Variants in RPL22L1 observed in about 807,000 individuals in gnomAD.
RPL22L1 encodes ribosomal protein eL22-like.
RPL22L1 carries 19 observed loss-of-function variants against 17.3 expected under a neutral mutation model. The observed-to-expected ratio is 1.10, with a 90% CI of 0.77 to 1.61. The LOEUF (loss-of-function observed/expected upper bound fraction) is 1.61. Among genes scored for constraint, RPL22L1 ranks in the 40% most tolerant of loss-of-function variants. The probability of loss-of-function intolerance (pLI) is 0.00; values close to 1 mark genes in which losing one functional copy is unlikely to be tolerated. For synonymous variants in RPL22L1, 48 were observed against 48.5 expected, an observed-to-expected ratio of 0.99 and a Z score of 0.05; for missense variants, 139 against 144.4, an observed-to-expected ratio of 0.96 and a Z score of 0.19.
Position 170,865,034 on chromosome 3 carries a change from CACAGTAGTAGGT to C in RPL22L1, c.*1334_*1345del, listed in dbSNP as rs768450014. ...ACATCCTCAATGCTCTGCAGCGGTGCACAGTAGTAGGTACCTGGTTAACTATTTGTGAAAAAC... is the reference window on the plus strand; with the variant it reads ...ACATCCTCAATGCTCTGCAGCGGTGCACCTGGTTAACTATTTGTGAAAAAC... On this transcript the variant is annotated 3_prime_UTR_variant, in exon 4 of 4. Coordinates refer to ENST00000295830, the MANE Select transcript of RPL22L1 (RefSeq NM_001099645.2). The C allele has an allele frequency of 6.6e-6, 1 of 152,178 alleles. No homozygotes were observed. Among genetic ancestry groups the C allele is most frequent in the Non-Finnish European group, 1.5e-5 (1 of 68,042 alleles). 9.4% of individuals were successfully genotyped at this position (152,178 alleles called of 1,614,324 possible).
In RPL22L1 at chr3:170,868,140, T is replaced by A; in HGVS notation, c.103-6A>T. ...TTCTCCCGTAGAAATTGCTCCTATT[T>A]TAAAACAGAAAAAATGCAAAACTAG... is the stretch of plus-strand genomic sequence containing the variant. On this transcript the variant is annotated splice_polypyrimidine_tract_variant and splice_region_variant and intron_variant, in intron 2 of 3. Transcript: ENST00000295830. 6.2e-7 allele frequency: 1 copy of A among 1,603,844 alleles called. No individual in the cohort carries two copies. The highest frequency in any genetic ancestry group is 8.5e-7 in the Non-Finnish European group (1 of 1,174,172).
chr3:170,869,253 T>A (rs568518378), intron 1 of RPL22L1, among the ~76,000 whole-genome samples: 181 of 152,334 alleles, frequency 1.2e-3, no homozygotes, highest in Middle Eastern at 3.4e-3. Flanking sequence ...CACTGCAATA[T>A]GAACAAACAA....
chr3:170,868,813 A>G (rs1257834628), intron 1 of RPL22L1, among the ~76,000 whole-genome samples: 3 of 150,464 alleles, frequency 2.0e-5, no homozygotes, highest in African/African-American at 7.3e-5. Flanking sequence ...TAAAAAAAAA[A>G]AAAAAGAAAA....
chr3:170,869,525 G>A (rs924146053), intron 1 of RPL22L1, among the ~76,000 whole-genome samples: 6 of 152,122 alleles, frequency 3.9e-5, no homozygotes, highest in African/African-American at 1.4e-4. Flanking sequence ...TGTAAATTGC[G>A]CATGTATATC....
At chr3:170,866,571 T>C in intron 3 of RPL22L1, 47 bp from the exon 4 acceptor site, 1 of 1,395,534 alleles carries the variant, frequency 7.2e-7, no homozygotes. Flanking sequence ...CAATTCCTAC[T>C]ATGTAAAGGT....
chr3:170,868,347 A>C lies in RPL22L1; in HGVS notation c.53T>G (p.Leu18Trp). 1 of 1,611,334 alleles carries C rather than the reference A, an allele frequency of 6.2e-7. No individual in the cohort carries two copies. Among genetic ancestry groups the C allele is most frequent in the Non-Finnish European group, 8.5e-7 (1 of 1,178,998 alleles). ...ATCTTCTACTGGATGAGTAAGGTCC[A>C]AATTAAACCTCCAGGTTGACCTCTT... ...KPKRSTWRFN[L>W]DLTHPVEDGI... The change falls in exon 2 of 4, where the codon TTG (leucine) becomes TGG (tryptophan). Residue 18 changes from leucine to tryptophan, a missense_variant. Leu to Trp is a moderately conservative substitution (Grantham distance 61). Transcript: ENST00000295830.
chr3:170,869,220 T>G (rs1303764325), intron 1 of RPL22L1, among the ~76,000 whole-genome samples: 1 of 152,208 alleles, frequency 6.6e-6, no homozygotes, highest in East Asian at 1.9e-4. Flanking sequence ...AAAATGTTAC[T>G]GTGGCCAGCA....
chr3:170,869,912 C>T (rs1711928568), intron 1 of RPL22L1: 2 of 663,620 alleles, frequency 3.0e-6, no homozygotes, highest in African/African-American at 3.6e-5. Flanking sequence ...TCCCGCGTGT[C>T]CAAAACCACC....
chr3:170,866,493 T>A lies in RPL22L1; in HGVS notation c.256A>T (p.Lys86Ter), dbSNP rs1711769019. ...AGCCAATCACGAAGATTGTTCTTCT[T>A]AAGGTATTTCTTGGTAAGGTATTTC... ...YLKYLTKKYL[K>*]KNNLRDWLRV... The change falls in exon 4 of 4, where the codon AAG becomes TAG. Residue 86 changes from lysine (K) to a stop codon, truncating the protein, a stop_gained. Transcript: ENST00000295830. LOFTEE classifies it high-confidence loss of function. 6.4e-7 allele frequency: 1 copy of A among 1,565,884 alleles called. No individual in the cohort carries two copies. The highest frequency in any genetic ancestry group is 1.9e-5 in the Admixed American group (1 of 52,864).
At position 170,868,063 on chromosome 3, in the gene RPL22L1, TTC is replaced by T; in HGVS notation, c.172_173del (p.Glu58ThrfsTer5). On this transcript the variant is annotated frameshift_variant, in exon 3 of 4. Coordinates refer to ENST00000295830, the MANE Select transcript of RPL22L1 (RefSeq NM_001099645.2). LOFTEE classifies it high-confidence loss of function. ...CAACTGTGATTTTATTCTTGAAGCG[TTC>T]AATGTGAACAACATTCCCGAGATTT... ...TGNLGNVVHI[E>X]RFKNKITVVS... 2 of 1,605,488 alleles carry T rather than the reference TTC, an allele frequency of 1.2e-6. No homozygotes were observed. Among genetic ancestry groups the T allele is most frequent in the Admixed American group, 3.4e-5 (2 of 58,926 alleles).
intron 2 of RPL22L1, 59 bp downstream of exon 2, chr3:170,868,239 A>AT (rs1711845296): frequency 1.4e-6 from 2 of 1,456,346 alleles, no homozygotes; most frequent in African/African-American, 2.8e-5. Flanking sequence ...AATACTATAT[A>AT]TTTAAACCAT....
chr3:170,870,096 A>G, intron 1 of RPL22L1, 63 bp downstream of exon 1: 2 of 1,612,752 alleles, frequency 1.2e-6, no homozygotes, highest in South Asian at 1.1e-5. Flanking sequence ...AGATGCAAAA[A>G]TCGTTACAGC....
rs1711692281 is a variant in RPL22L1 at position 170,865,152 on chromosome 3, T to C, written c.*1228A>G. The stretch of plus-strand genomic sequence containing the variant: ...ATCAAGGAGTTGCTGCACTGAGGTA[T>C]TGCACGATGATGGGGGCACTTAAAT... On this transcript the variant is annotated 3_prime_UTR_variant, in exon 4 of 4. Coordinates refer to ENST00000295830, the MANE Select transcript of RPL22L1 (RefSeq NM_001099645.2). The C allele has an allele frequency of 6.6e-6, 1 of 152,210 alleles. No individual in the cohort carries two copies. Among genetic ancestry groups the C allele is most frequent in the African/African-American group, 2.4e-5 (1 of 41,462 alleles). 9.4% of individuals were successfully genotyped at this position (152,210 alleles called of 1,614,324 possible). A position where few individuals can be genotyped will look rare whatever the true frequency, so the allele number is the denominator to read the frequency against.
At chr3:170,868,172 G>T in intron 2 of RPL22L1, 38 bp from the exon 3 acceptor site, 3 of 1,593,150 alleles carry the variant, frequency 1.9e-6, no homozygotes, top group Non-Finnish European at 2.6e-6. Flanking sequence ...CTAGGGAAGA[G>T]AACCCTAGAT....
In RPL22L1 at chr3:170,868,348, A is replaced by G; in HGVS notation, c.52T>C (p.Leu18=). 1.9e-6 allele frequency: 3 copies of G among 1,611,304 alleles called. No individual in the cohort carries two copies. Among genetic ancestry groups the G allele is most frequent in the Non-Finnish European group, 2.5e-6 (3 of 1,178,954 alleles). ...TCTTCTACTGGATGAGTAAGGTCCAAATTAAACCTCCAGGTTGACCTCTTG... is the reference window on the plus strand; with the variant it reads ...TCTTCTACTGGATGAGTAAGGTCCAGATTAAACCTCCAGGTTGACCTCTTG... ...KPKRSTWRFN[L]DLTHPVEDGI... is the part of the protein sequence containing the mutation. The change falls in exon 2 of 4, where the codon TTG becomes CTG. Residue 18 remains leucine (L), a synonymous_variant. Coordinates refer to ENST00000295830, the MANE Select transcript of RPL22L1 (RefSeq NM_001099645.2).
chr3:170,866,406 C>A lies in RPL22L1; in HGVS notation c.343G>T (p.Glu115Ter). The A allele has an allele frequency of 6.2e-7, 1 of 1,606,892 alleles. No homozygotes were observed. Residue 115 changes from glutamate to a stop codon, truncating the protein, a stop_gained, in exon 4 of 4, where the codon GAA becomes TAA. Transcript: ENST00000295830. LOFTEE classifies it high-confidence loss of function. ...TAGTCCTCCGACTCTGATTCATCTT[C>A]ATCTTGACTAATCTGGAAGTAACGA... The part of the protein sequence containing the change: ...ELRYFQISQD[E>*]DESESED
rs1711761723 is a variant in RPL22L1 at position 170,866,391 on chromosome 3, ACT to A, written c.356_357del (p.Glu119ValfsTer61). ...AGGGGAGCCTTTGCCTAGTCCTCCG[ACT>A]CTGATTCATCTTCATCTTGACTAAT... ...FQISQDEDES[E>X]SED On this transcript the variant is annotated frameshift_variant, in exon 4 of 4. Transcript: ENST00000295830. LOFTEE classifies it high-confidence loss of function. The A allele has an allele frequency of 1.1e-5, 17 of 1,604,840 alleles. No homozygotes were observed. Among genetic ancestry groups the A allele is most frequent in the East Asian group, 6.7e-5 (3 of 44,704 alleles).
Position 170,868,024 on chromosome 3 carries a change from CTG to C in RPL22L1, c.211_212del (p.Gln71ValfsTer3). On this transcript the variant is annotated frameshift_variant, in exon 3 of 4. Coordinates refer to ENST00000295830, the MANE Select transcript of RPL22L1 (RefSeq NM_001099645.2). LOFTEE classifies it high-confidence loss of function. ...KNKITVVSEK[Q>X]FSKRYLKYLT... ...GCAAAAGTACCAACCTTTTAGAGAA[CTG>C]TTTCTCAGAAACAACTGTGATTTTA... is the stretch of plus-strand genomic sequence containing the variant. 6.3e-7 allele frequency: 1 copy of C among 1,596,078 alleles called. No individual in the cohort carries two copies. The highest frequency in any genetic ancestry group is 1.1e-5 in the South Asian group (1 of 87,960).
At chr3:170,868,245 A>T in intron 2 of RPL22L1, 53 bp downstream of exon 2, 1 of 1,466,976 alleles carries the variant, frequency 6.8e-7, no homozygotes, top group Non-Finnish European at 9.5e-7. Flanking sequence ...ATATATTTAA[A>T]CCATTATCAA....
Sources: allele counts gnomAD v4.1 joint callset (sites outside exome capture counted in the v4.1 genomes callset), GRCh38; gene constraint gnomAD v4.1.1; transcripts MANE v1.5; gene names NCBI Gene and HGNC (gene_info 2026-07-23, HGNC 2026-07-21).